The following ZMYND8 variants were observed in gnomAD, a reference collection of about 807,000 sequenced individuals.
The protein encoded by ZMYND8 is MYND-type zinc finger-containing chromatin reader ZMYND8.
A neutral mutation model predicts 140.8 loss-of-function variants in ZMYND8; 37 were observed. The ratio of observed to expected loss-of-function variants is 0.26; its 90% CI spans 0.20 to 0.35. ZMYND8 has a LOEUF of 0.35. ZMYND8 is among the 10% of genes least tolerant of loss of function. ZMYND8 has a pLI of 1.00. For missense variants in ZMYND8, 1,068 were observed against 1,570.0 expected (o/e 0.68, Z 5.40); for synonymous variants, 592 against 597.1 (o/e 0.99, Z 0.12).
chr20:47,280,440 C>T (rs777029151), intron 10 of ZMYND8, among the ~76,000 whole-genome samples: 8 of 152,188 alleles, frequency 5.3e-5, no homozygotes, highest in Non-Finnish European at 1.2e-4. Flanking sequence ...GAAACAGCTT[C>T]TGCACACAGA....
At chr20:47,224,670 C>A (rs2037432043) in intron 18 of ZMYND8, 114 bp from the exon 19 acceptor site, 1 of 1,542,114 alleles carries the variant, frequency 6.5e-7, no homozygotes, top group African/African-American at 1.4e-5. Context: ...TGGGAGAAGC[C>A]CTGGCTGTGT....
At chr20:47,220,168 T>C in intron 21 of ZMYND8, 90 bp downstream of exon 21, 1 of 1,150,584 alleles carries the variant, frequency 8.7e-7, no homozygotes, top group Non-Finnish European at 1.2e-6. Context: ...ACCATTGGAA[T>C]AAACCCTTCA....
At chr20:47,279,646 G>A (rs901276932) in intron 10 of ZMYND8, among the ~76,000 whole-genome samples, 1 of 151,930 alleles carries the variant, frequency 6.6e-6, no homozygotes, top group African/African-American at 2.4e-5. Flanking sequence ...GTGACCCTAG[G>A]CACTCTCTGA....
At chr20:47,218,094 C>T (rs2036384431) in intron 21 of ZMYND8, among the ~76,000 whole-genome samples, 2 of 152,206 alleles carry the variant, frequency 1.3e-5, no homozygotes, top group South Asian at 2.1e-4. Context: ...AGGAACCATG[C>T]GGCCTGCAAA....
chr20:47,354,765 C>G (rs1438174043), intron 1 of ZMYND8: 1 of 152,196 alleles, frequency 6.6e-6, no homozygotes, highest in Non-Finnish European at 1.5e-5. Flanking sequence ...AATTTATGTA[C>G]TGAACTTCTA....
intron 12 of ZMYND8, among the ~76,000 whole-genome samples, chr20:47,259,084 CCA>C (rs1402459742): frequency 6.6e-6 from 1 of 151,784 alleles, no homozygotes; most frequent in Non-Finnish European, 1.5e-5. Context: ...ACTGAAAGAC[CCA>C]CAGTGTCACG....
At chr20:47,231,053 A>T (rs2038412321) in intron 16 of ZMYND8, among the ~76,000 whole-genome samples, 1 of 152,204 alleles carries the variant, frequency 6.6e-6, no homozygotes, top group Non-Finnish European at 1.5e-5. Flanking sequence ...TAATGCCTTC[A>T]GTCAGGACAC....
At chr20:47,239,188 T>A (rs2039637821) in intron 14 of ZMYND8, 50 bp from the exon 15 acceptor site, 1 of 1,484,656 alleles carries the variant, frequency 6.7e-7, no homozygotes, top group Non-Finnish European at 8.9e-7. Flanking sequence ...TTCACTCAGG[T>A]TCACCTGCAC....
At chr20:47,311,912 C>T (rs1476041567) in intron 2 of ZMYND8, among the ~76,000 whole-genome samples, 2 of 152,156 alleles carry the variant, frequency 1.3e-5, no homozygotes, top group African/African-American at 4.8e-5. Flanking sequence ...TACACTTCCA[C>T]TACCATCCAT....
At chr20:47,283,795 G>T in intron 8 of ZMYND8, 147 bp from the exon 9 acceptor site, 1 of 733,334 alleles carries the variant, frequency 1.4e-6, no homozygotes. Context: ...ACTATGTATC[G>T]CTCCCAATGC....
chr20:47,349,920 G>T, intron 1 of ZMYND8: 1 of 1,535,422 alleles, frequency 6.5e-7, no homozygotes, highest in Non-Finnish European at 8.7e-7. Flanking sequence ...GAGGAAGGCT[G>T]CATTCAAGGG....
intron 2 of ZMYND8, among the ~76,000 whole-genome samples, chr20:47,338,665 C>G (rs1359046695): frequency 6.6e-6 from 1 of 152,140 alleles, no homozygotes; most frequent in Non-Finnish European, 1.5e-5. Flanking sequence ...ACCACCACCG[C>G]CACTCACTAT....
chr20:47,255,371 A>C (rs1285798139), intron 12 of ZMYND8, among the ~76,000 whole-genome samples: 1 of 151,434 alleles, frequency 6.6e-6, no homozygotes, highest in African/African-American at 2.4e-5. Flanking sequence ...ATAAAAACAA[A>C]CTCTATAAAA....
In ZMYND8 at chr20:47,246,446, C is replaced by G; in HGVS notation, c.1846G>C (p.Asp616His). The G allele has an allele frequency of 1.2e-6, 2 of 1,613,974 alleles. No homozygotes were observed. The highest frequency in any genetic ancestry group is 1.1e-5 in the South Asian group (1 of 91,078). The part of the protein sequence containing the change: ...HSDSEDSEKS[D>H]SSDSEYISDD... ...CTGATATACTCACTATCGCTACTATCTGACTTCTCAGAATCCTCCGAATCG... is the reference window on the plus strand; with the variant it reads ...CTGATATACTCACTATCGCTACTATGTGACTTCTCAGAATCCTCCGAATCG... Residue 616 changes from aspartate (D) to histidine (H), a missense_variant, in exon 14 of 23, where the codon GAT becomes CAT. Around this residue, in one of 10 missense-constraint regions of ZMYND8, gnomAD observed 383 missense variants for 431.2 expected, o/e 0.89. Transcript: ENST00000471951.
intron 11 of ZMYND8, among the ~76,000 whole-genome samples, chr20:47,270,968 T>C (rs1447933512): frequency 6.6e-6 from 1 of 151,768 alleles, no homozygotes; most frequent in Non-Finnish European, 1.5e-5. Flanking sequence ...TCCCAGCTAC[T>C]CGGGAGGCTG....
At position 47,210,794 on chromosome 20, in the gene ZMYND8, C is replaced by A. The variant is rs374872290; in HGVS notation, c.3672G>T (p.Pro1224=). 3.3e-5 allele frequency: 54 copies of A among 1,614,108 alleles called. No homozygotes were observed. Among genetic ancestry groups the A allele is most frequent in the East Asian group, 3.3e-4 (15 of 44,866 alleles). Residue 1224 remains proline, a synonymous_variant, in exon 23 of 23, where the codon CCG becomes CCT. Coordinates refer to ENST00000471951, the MANE Select transcript of ZMYND8 (RefSeq NM_001281775.3). The stretch of plus-strand genomic sequence containing the variant: ...AGAAGGTGTCCAGCCGAGACTCTTT[C>A]GGGAGGAGGCTCTTCGTGCTGGTAC... ...NTSTSTKSLL[P]KESRLDTFWD
intron 8 of ZMYND8, chr20:47,285,615 G>A: frequency 7.8e-6 from 7 of 899,034 alleles, no homozygotes; most frequent in Non-Finnish European, 9.3e-6. Context: ...TGGAACATCT[G>A]ACATGTTCAC....
intron 10 of ZMYND8, among the ~76,000 whole-genome samples, chr20:47,277,859 C>G (rs549741160): frequency 6.6e-6 from 1 of 151,990 alleles, no homozygotes; most frequent in African/African-American, 2.4e-5. Context: ...TTAGTAGAGA[C>G]GGTGTTTCAC....
intron 5 of ZMYND8, among the ~76,000 whole-genome samples, chr20:47,292,798 T>C (rs2077350222): frequency 6.6e-6 from 1 of 151,948 alleles, no homozygotes; most frequent in Non-Finnish European, 1.5e-5. Flanking sequence ...ATGCCTGTGA[T>C]CCCAGCACTT....
Sources: gnomAD v4.1 joint callset for allele counts (sites outside exome capture counted in the v4.1 genomes callset) on GRCh38, gnomAD v4.1.1 for gene constraint, gnomAD v4.1.1 regional missense constraint, MANE v1.5 for transcripts, NCBI Gene and HGNC (gene_info 2026-07-23, HGNC 2026-07-21) for gene names.